The following GMDS variants were observed in gnomAD, a reference collection of about 807,000 sequenced individuals.
The protein encoded by GMDS is GDP-mannose 4,6 dehydratase.
Under a neutral mutation model 49.9 loss-of-function variants are expected in GMDS, and 20 were observed. That is an observed-to-expected ratio of 0.40 (90% CI 0.28 to 0.58). The LOEUF (loss-of-function observed/expected upper bound fraction) is 0.58. Ranked by LOEUF, GMDS falls within the 20% of genes least tolerant of loss-of-function variation. The pLI, the probability that GMDS is intolerant of heterozygous loss-of-function variation, is 0.42. For synonymous variants in GMDS, 177 were observed against 178.6 expected (o/e 0.99, Z 0.07); for missense variants, 362 against 481.4 (o/e 0.75, Z 2.32).
intron 4 of GMDS, among the ~76,000 whole-genome samples, chr6:1,974,243 A>C (rs1764773532): frequency 6.6e-6 from 1 of 152,202 alleles, no homozygotes. Context: ...CACTAGAAAC[A>C]TTTTATTGAA....
chr6:1,711,992 A>G (rs946161975), intron 9 of GMDS, among the ~76,000 whole-genome samples: 1 of 151,884 alleles, frequency 6.6e-6, no homozygotes, highest in Non-Finnish European at 1.5e-5. Flanking sequence ...AACACCCAAC[A>G]CTTCTCCTCT....
intron 7 of GMDS, among the ~76,000 whole-genome samples, chr6:1,904,689 T>TTCCA (rs1760669320): frequency 6.6e-6 from 1 of 152,272 alleles, no homozygotes; most frequent in South Asian, 2.1e-4. Flanking sequence ...ACCTTCCTGT[T>TTCCA]GGCCAAGTTA....
intron 7 of GMDS, among the ~76,000 whole-genome samples, chr6:1,776,526 GAAAA>G (rs534951952): frequency 2.3e-4 from 32 of 136,808 alleles, no homozygotes; most frequent in Non-Finnish European, 3.5e-4. Flanking sequence ...TGTCTCTACA[GAAAA>G]AAAAAAAAAA....
At chr6:2,079,496 T>C (rs1436564312) in intron 4 of GMDS, among the ~76,000 whole-genome samples, 1 of 152,138 alleles carries the variant, frequency 6.6e-6, no homozygotes, top group Admixed American at 6.5e-5. Context: ...ATGTAGTCAT[T>C]TTGCTCCCAG....
intron 7 of GMDS, among the ~76,000 whole-genome samples, chr6:1,777,036 C>T (rs189909527): frequency 1.4e-4 from 22 of 152,302 alleles, no homozygotes; most frequent in East Asian, 1.2e-3. Context: ...TGAAAACAAA[C>T]GGCTTTAGAC....
At chr6:2,068,412 C>G (rs1431623895) in intron 4 of GMDS, among the ~76,000 whole-genome samples, 1 of 151,942 alleles carries the variant, frequency 6.6e-6, no homozygotes, top group Non-Finnish European at 1.5e-5. Context: ...GAAGTTCTGA[C>G]CAGGGCAATT....
At chr6:2,114,413 T>C (rs1324307672) in intron 4 of GMDS, among the ~76,000 whole-genome samples, 1 of 152,136 alleles carries the variant, frequency 6.6e-6, no homozygotes, top group Non-Finnish European at 1.5e-5. Flanking sequence ...ATTCCTGGAA[T>C]GATAAAAAGT....
chr6:1,932,537 CTTTT>C (rs1166894439), intron 6 of GMDS, among the ~76,000 whole-genome samples: 3 of 134,012 alleles, frequency 2.2e-5, no homozygotes, highest in Admixed American at 1.5e-4. Flanking sequence ...ATTTCTAATT[CTTTT>C]TTTTTTTTTT....
intron 9 of GMDS, among the ~76,000 whole-genome samples, chr6:1,717,277 TTAG>T: frequency 6.6e-6 from 1 of 152,342 alleles, no homozygotes; most frequent in East Asian, 1.9e-4. Context: ...AACATAGATT[TTAG>T]ACTATCAAAG....
chr6:1,737,943 CAT>C (rs1299021986), intron 8 of GMDS, among the ~76,000 whole-genome samples: 2 of 148,018 alleles, frequency 1.4e-5, no homozygotes, highest in Non-Finnish European at 3.0e-5. Context: ...ACCACACACA[CAT>C]ACACAGATAC....
chr6:1,714,204 C>T (rs1303148268), intron 9 of GMDS, among the ~76,000 whole-genome samples: 1 of 152,042 alleles, frequency 6.6e-6, no homozygotes, highest in African/African-American at 2.4e-5. Flanking sequence ...ATTTTTAGTA[C>T]AGACGGGATT....
Position 1,999,993 on chromosome 6 carries a change from ATAT to A in GMDS, c.346-39030_346-39028del, listed in dbSNP as rs1455518795. 6.7e-4 allele frequency among the ~76,000 whole-genome samples: 11 copies of A among 16,344 alleles called. 1 individual carries two copies. Among genetic ancestry groups the A allele is most frequent in the African/African-American group, 1.4e-3 (8 of 5,892 alleles). The allele number at this position is 16,344 out of a possible 152,430, so 10.7% of individuals were successfully genotyped here. ...TATTATATATATATTTTATATATAT[ATAT>A]TATATATATATATTTTTTATATATA... On this transcript the variant is annotated intron_variant, in intron 4 of 10. Coordinates refer to ENST00000380815, the MANE Select transcript of GMDS (RefSeq NM_001500.4).
At chr6:1,984,013 T>C (rs1461681896) in intron 4 of GMDS, among the ~76,000 whole-genome samples, 4 of 152,194 alleles carry the variant, frequency 2.6e-5, no homozygotes, top group Non-Finnish European at 5.9e-5. Context: ...ATGTGGTACA[T>C]ATACACCATG....
chr6:2,139,962 G>A (rs1297049669), intron 1 of GMDS, among the ~76,000 whole-genome samples: 1 of 152,240 alleles, frequency 6.6e-6, no homozygotes, highest in African/African-American at 2.4e-5. Context: ...AGCGCAGGAG[G>A]AGTAGGTGTG....
rs972784295 is a variant in GMDS at position 2,138,529 on chromosome 6, C to T, written c.103-13798G>A. Among the ~76,000 whole-genome samples, 6 of 152,100 alleles carry T rather than the reference C, an allele frequency of 3.9e-5. No homozygotes were observed. In the East Asian group the frequency reaches 1.2e-3, roughly 29 times the overall value. ...GATATAGTTTAGATTTCTGTCCCTC[C>T]AAATCTCATGTTGAAATGTGATCCT... On this transcript the variant is annotated intron_variant, in intron 1 of 10. Coordinates refer to ENST00000380815, the MANE Select transcript of GMDS (RefSeq NM_001500.4).
At chr6:1,650,777 G>A (rs1325483174) in intron 9 of GMDS, among the ~76,000 whole-genome samples, 5 of 151,838 alleles carry the variant, frequency 3.3e-5, no homozygotes, top group African/African-American at 4.8e-5. Flanking sequence ...TGGGGGTTTC[G>A]CCATGTTGTC....
At chr6:1,891,306 T>C (rs1759856861) in intron 7 of GMDS, among the ~76,000 whole-genome samples, 1 of 152,210 alleles carries the variant, frequency 6.6e-6, no homozygotes, top group Admixed American at 6.5e-5. Flanking sequence ...TAAATGGGCA[T>C]ACTGTGCTGT....
At chr6:2,172,373 AACT>A (rs1359238184) in intron 1 of GMDS, among the ~76,000 whole-genome samples, 2 of 152,240 alleles carry the variant, frequency 1.3e-5, no homozygotes, top group African/African-American at 4.8e-5. Flanking sequence ...TTTCTGTTTG[AACT>A]ACCATTACAC....
At chr6:2,095,614 G>T (rs781523965) in intron 4 of GMDS, among the ~76,000 whole-genome samples, 2 of 152,176 alleles carry the variant, frequency 1.3e-5, no homozygotes, top group Non-Finnish European at 2.9e-5. Context: ...GAAAATCGGT[G>T]TTGCAGAATC....
Sources: allele counts gnomAD v4.1 joint callset (sites outside exome capture counted in the v4.1 genomes callset), GRCh38; gene constraint gnomAD v4.1.1; transcripts MANE v1.5; gene names NCBI Gene and HGNC (gene_info 2026-07-23, HGNC 2026-07-21).